Variants in PIEZO2 observed in about 807,000 individuals in gnomAD.
PIEZO2 encodes the protein piezo type mechanosensitive ion channel component 2, also known as piezo-type mechanosensitive ion channel component 2.
In PIEZO2, 172 loss-of-function variants were observed where a neutral mutation model predicts 337.3. That is an observed-to-expected ratio of 0.51 (90% CI 0.45 to 0.58). The LOEUF (loss-of-function observed/expected upper bound fraction) is 0.58. Among genes scored for constraint, PIEZO2 ranks in the 20% least tolerant of loss-of-function variants. The pLI is 0.00. For missense variants in PIEZO2, 3,028 were observed against 3,391.3 expected (o/e 0.89, Z 2.66); for synonymous variants, 1,251 against 1,228.5 (o/e 1.02, Z -0.38).
At chr18:10,712,414 T>C (rs951229534) in intron 39 of PIEZO2, among the ~76,000 whole-genome samples, 8 of 152,344 alleles carry the variant, frequency 5.3e-5, no homozygotes, top group Middle Eastern at 3.4e-3. Flanking sequence ...TGATTCAGTT[T>C]AAATACAATG....
intron 1 of PIEZO2, among the ~76,000 whole-genome samples, chr18:11,130,347 T>G (rs2040305256): frequency 6.6e-6 from 1 of 152,256 alleles, no homozygotes; most frequent in Non-Finnish European, 1.5e-5. Context: ...GCCATTGACT[T>G]GGCAAATGCC....
chr18:10,974,632 A>G (rs1217932972), intron 3 of PIEZO2, among the ~76,000 whole-genome samples: 2 of 152,250 alleles, frequency 1.3e-5, no homozygotes, highest in Non-Finnish European at 2.9e-5. Flanking sequence ...ATGGAAAGCC[A>G]GACAGATCCG....
intron 13 of PIEZO2, among the ~76,000 whole-genome samples, chr18:10,793,005 C>T (rs1463647176): frequency 6.6e-6 from 1 of 152,162 alleles, no homozygotes; most frequent in Non-Finnish European, 1.5e-5. Flanking sequence ...CCTGTAATCC[C>T]AGCACTTTGG....
chr18:10,937,232 C>T (rs1004258924), intron 3 of PIEZO2, among the ~76,000 whole-genome samples: 5 of 152,132 alleles, frequency 3.3e-5, no homozygotes, highest in African/African-American at 1.2e-4. Flanking sequence ...AGTGACCTCC[C>T]TTGGGTTAGT....
chr18:11,072,791 T>G (rs1286652556), intron 1 of PIEZO2, among the ~76,000 whole-genome samples: 1 of 152,208 alleles, frequency 6.6e-6, no homozygotes, highest in Non-Finnish European at 1.5e-5. Flanking sequence ...TACCACATCC[T>G]TATTCTGTGT....
At chr18:10,742,111 C>G (rs1015522349) in intron 32 of PIEZO2, among the ~76,000 whole-genome samples, 9 of 151,980 alleles carry the variant, frequency 5.9e-5, no homozygotes, top group Non-Finnish European at 1.3e-4. Flanking sequence ...GCCGAGATCT[C>G]GCCACTGCAC....
chr18:10,970,660 TCACACACACACACACACACACA>T (rs71169962), intron 3 of PIEZO2, among the ~76,000 whole-genome samples: 6 of 137,434 alleles, frequency 4.4e-5, no homozygotes, highest in Non-Finnish European at 1.6e-5. Flanking sequence ...AAAAGATGTT[TCACACACACACACACACACACA>T]CACACACACA....
intron 9 of PIEZO2, among the ~76,000 whole-genome samples, chr18:10,803,203 G>T (rs571658410): frequency 6.6e-6 from 1 of 152,044 alleles, no homozygotes; most frequent in Non-Finnish European, 1.5e-5. Flanking sequence ...TTGGTGAGTC[G>T]GAAACTGCTG....
At chr18:10,760,856 G>A in intron 24 of PIEZO2, 55 bp downstream of exon 24, 1 of 1,427,836 alleles carries the variant, frequency 7.0e-7, no homozygotes, top group South Asian at 1.3e-5. Context: ...GCCAGAAGCA[G>A]TTCTTTGAAT....
At chr18:10,960,321 T>C (rs2033710396) in intron 3 of PIEZO2, among the ~76,000 whole-genome samples, 1 of 152,180 alleles carries the variant, frequency 6.6e-6, no homozygotes, top group African/African-American at 2.4e-5. Context: ...AATGTTTATC[T>C]TTTTCAAGAA....
chr18:10,967,907 G>T lies in PIEZO2; in HGVS notation c.286+11628C>A, dbSNP rs545326907. Among the ~76,000 whole-genome samples the T allele has an allele frequency of 1.1e-4, 16 of 151,564 alleles. 1 individual carries two copies. In the South Asian group the frequency reaches 3.3e-3, roughly 32 times the overall value. The stretch of plus-strand genomic sequence containing the variant: ...CTGTGGGTTGTCTGTTTACTCTGCT[G>T]ATTATTATTATTATTATTATTACTT... On this transcript the variant is annotated intron_variant, in intron 3 of 55. Coordinates refer to ENST00000674853, the MANE Select transcript of PIEZO2 (RefSeq NM_001378183.1).
In PIEZO2 at chr18:10,903,071, C is replaced by T. The variant is rs2043088908; in HGVS notation, c.329+8115G>A. 6.6e-6 allele frequency among the ~76,000 whole-genome samples: 1 copy of T among 152,164 alleles called. No homozygotes were observed. The highest frequency in any genetic ancestry group is 2.4e-5 in the African/African-American group (1 of 41,448). ...ACAGCAGCTATGGGGAGGCACCAAC[C>T]CATGGGCTGTACTCATTCCAGAATC... On this transcript the variant is annotated intron_variant, in intron 4 of 55. Transcript: ENST00000674853. This position sits in a 1 kb window ranked among gnomAD's most constrained non-coding sequence, Gnocchi z 4.1.
intron 2 of PIEZO2, among the ~76,000 whole-genome samples, chr18:11,060,799 T>A (rs1426394834): frequency 6.6e-6 from 1 of 152,178 alleles, no homozygotes; most frequent in Non-Finnish European, 1.5e-5. Context: ...CAGGACCAGA[T>A]GGATTCACAG....
chr18:11,100,781 G>A (rs1168229278), intron 1 of PIEZO2, among the ~76,000 whole-genome samples: 1 of 152,140 alleles, frequency 6.6e-6, no homozygotes, highest in East Asian at 1.9e-4. Context: ...ATTTTTAGTA[G>A]AGACAGGGTT....
chr18:10,685,674 A>G (rs2034516968), intron 49 of PIEZO2, among the ~76,000 whole-genome samples: 1 of 152,176 alleles, frequency 6.6e-6, no homozygotes, highest in Non-Finnish European at 1.5e-5. Context: ...GCAGATGGTC[A>G]CACTGGGTGG....
At chr18:10,685,732 G>A (rs377480547) in intron 49 of PIEZO2, among the ~76,000 whole-genome samples, 127 of 152,296 alleles carry the variant, frequency 8.3e-4, no homozygotes, top group African/African-American at 3.0e-3. Flanking sequence ...CCTAAGCACC[G>A]TGACCTGTTC....
At chr18:10,698,367 T>C (rs2035190620) in intron 44 of PIEZO2, among the ~76,000 whole-genome samples, 1 of 151,640 alleles carries the variant, frequency 6.6e-6, no homozygotes, top group South Asian at 2.1e-4. Context: ...TATAAAAGCT[T>C]CAGACAGGAG....
At position 10,756,037 on chromosome 18, in the gene PIEZO2, G is replaced by T. The variant is rs575801081; in HGVS notation, c.3923+1932C>A. 2.7e-5 allele frequency among the ~76,000 whole-genome samples: 4 copies of T among 146,682 alleles called. No individual in the cohort carries two copies. In the South Asian group the frequency reaches 6.7e-4, roughly 25 times the overall value. On this transcript the variant is annotated intron_variant, in intron 27 of 55. Transcript: ENST00000674853. Reference sequence around the variant, plus strand: ...GAGGAGGAGGGATGGGGATAAGGAGGAGGGATGCAGGATGAAGAGGAGGGA... The same window carrying T: ...GAGGAGGAGGGATGGGGATAAGGAGTAGGGATGCAGGATGAAGAGGAGGGA...
chr18:11,041,548 C>G (rs1023845142), intron 2 of PIEZO2, among the ~76,000 whole-genome samples: 3 of 152,172 alleles, frequency 2.0e-5, no homozygotes, highest in African/African-American at 7.2e-5. Flanking sequence ...TACTAAATAG[C>G]TGGAACTGAA....
Sources: gnomAD v4.1 joint callset for allele counts (sites outside exome capture counted in the v4.1 genomes callset) on GRCh38, gnomAD v4.1.1 for gene constraint, Gnocchi (gnomAD v3.1) non-coding constraint, MANE v1.5 for transcripts, NCBI Gene and HGNC (gene_info 2026-07-23, HGNC 2026-07-21) for gene names.